Variants in DMXL1 observed in about 807,000 individuals in gnomAD.
DMXL1 encodes the protein Dmx like 1.
DMXL1 carries 99 observed loss-of-function variants against 319.2 expected under a neutral mutation model. That is an observed-to-expected ratio of 0.31 (90% confidence interval 0.26 to 0.37). The LOEUF (loss-of-function observed/expected upper bound fraction) is 0.37. DMXL1 is among the 10% of genes least tolerant of loss of function. DMXL1 has a pLI of 1.00. For missense variants in DMXL1, 3,745 were observed against 3,595.6 expected (o/e 1.04, Z -1.06); for synonymous variants, 1,385 against 1,235.2 (o/e 1.12, Z -2.54).
rs1774311001 is a variant in DMXL1, at chr5:119,170,394, C to T, written c.5603C>T (p.Ala1868Val). 6.2e-7 allele frequency: 1 copy of T among 1,613,938 alleles called. No individual in the cohort carries two copies. ...FFTTASAHLK[A>V]GCPMLALEVL... ...ACCACTGCCAGTGCTCATTTAAAAG[C>T]TGGCTGCCCAATGTTGGCTTTGGAA... The change falls in exon 24 of 44, where the codon GCT (alanine) becomes GTT (valine). Residue 1868 changes from alanine to valine, a missense_variant. Ala to Val is a moderately conservative substitution (Grantham distance 64, BLOSUM62 0). Coordinates refer to ENST00000539542, the MANE Select transcript of DMXL1 (RefSeq NM_001290321.3).
chr5:119,075,584 A>T (rs1002600665), intron 1 of DMXL1, among the ~76,000 whole-genome samples: 1 of 152,092 alleles, frequency 6.6e-6, no homozygotes, highest in Admixed American at 6.6e-5. Flanking sequence ...TTTATCATCA[A>T]CAAGTGAGCA....
Position 119,197,938 on chromosome 5 carries a change from C to T in DMXL1, c.7727C>T (p.Pro2576Leu), listed in dbSNP as rs1226041157. The T allele has an allele frequency of 6.2e-7, 1 of 1,614,154 alleles. No individual in the cohort carries two copies. The highest frequency in any genetic ancestry group is 1.7e-5 in the Admixed American group (1 of 60,006). Residue 2576 changes from proline to leucine, a missense_variant, in exon 32 of 44, where the codon CCT (proline) becomes CTT (leucine). By Grantham distance (98) the Pro-to-Leu change is moderately conservative. This residue lies in a region of DMXL1 where 1,382 missense variants were observed against 1,269.5 expected (regional missense o/e 1.09). Transcript: ENST00000539542. ...AILRHKALLE[P>L]TNTPFKSKHH... ...CTTCGCCACAAAGCTTTACTGGAAC[C>T]TACAAACACTCCTTTCAAGTAGGTT...
At chr5:119,147,507 C>A in intron 17 of DMXL1, 37 bp downstream of exon 17, 1 of 1,418,520 alleles carries the variant, frequency 7.0e-7, no homozygotes, top group Non-Finnish European at 1.0e-6. Context: ...AATTTTGTAA[C>A]ACATGAGTAT....
chr5:119,156,142 G>A (rs1330056995), intron 19 of DMXL1, among the ~76,000 whole-genome samples: 4 of 152,142 alleles, frequency 2.6e-5, no homozygotes, highest in Admixed American at 2.6e-4. Flanking sequence ...TTAAGAAATT[G>A]CTATAGCCAT....
intron 1 of DMXL1, 41 bp downstream of exon 1, chr5:119,071,697 T>C: frequency 6.5e-7 from 1 of 1,536,260 alleles, no homozygotes; most frequent in African/African-American, 1.4e-5. Context: ...GGCCCGGCCT[T>C]TGCCCGTCAT....
chr5:119,131,024 T>G (rs1764756214), intron 10 of DMXL1, among the ~76,000 whole-genome samples: 1 of 151,928 alleles, frequency 6.6e-6, no homozygotes, highest in African/African-American at 2.4e-5. Flanking sequence ...TTTTGCCAGT[T>G]GATAACGGGA....
At chr5:119,220,643 A>G (rs1344909513) in intron 36 of DMXL1, 50 bp downstream of exon 36, 5 of 1,588,082 alleles carry the variant, frequency 3.1e-6, no homozygotes, top group Non-Finnish European at 4.3e-6. Flanking sequence ...ATGAGTGACT[A>G]TATTTACTGA....
intron 13 of DMXL1, among the ~76,000 whole-genome samples, chr5:119,140,721 A>G (rs558571971): frequency 1.3e-5 from 2 of 152,256 alleles, no homozygotes; most frequent in South Asian, 2.1e-4. Context: ...ATTCCAAAAA[A>G]TTGAGGAGGA....
chr5:119,172,765 C>T (rs1774848530), intron 25 of DMXL1, among the ~76,000 whole-genome samples: 1 of 151,968 alleles, frequency 6.6e-6, no homozygotes, highest in South Asian at 2.1e-4. Context: ...TATCATGTAG[C>T]TCTCATCCAC....
intron 38 of DMXL1, among the ~76,000 whole-genome samples, chr5:119,228,554 G>A (rs1483348673): frequency 3.9e-5 from 6 of 152,100 alleles, no homozygotes; most frequent in African/African-American, 1.4e-4. Flanking sequence ...TATAATATAA[G>A]AAGGTATCAC....
At chr5:119,196,569 G>A in intron 31 of DMXL1, 113 bp downstream of exon 31, 2 of 673,902 alleles carry the variant, frequency 3.0e-6, no homozygotes, top group East Asian at 5.4e-5. Context: ...GTGATTTCCT[G>A]TTACAGAAGT....
intron 25 of DMXL1, among the ~76,000 whole-genome samples, chr5:119,174,210 T>G (rs1775327695): frequency 6.6e-6 from 1 of 152,214 alleles, no homozygotes; most frequent in South Asian, 2.1e-4. Flanking sequence ...GTCAAATGTC[T>G]GTGCACCCCA....
intron 10 of DMXL1, among the ~76,000 whole-genome samples, chr5:119,132,366 T>C (rs979629757): frequency 1.3e-5 from 2 of 152,168 alleles, no homozygotes; most frequent in African/African-American, 4.8e-5. Flanking sequence ...AAGGTGCATA[T>C]ACCACTGTCA....
Position 119,173,776 on chromosome 5 carries a change from G to GTATATATATATATA in DMXL1, c.6682-1476_6682-1463dup, listed in dbSNP as rs758312462. On this transcript the variant is annotated intron_variant, in intron 25 of 43. Coordinates refer to ENST00000539542, the MANE Select transcript of DMXL1 (RefSeq NM_001290321.3). ...TGTGTATATATATATATGTGTGTGT[G>GTATATATATATATA]TATATATATATATATATATATAATG... Among the ~76,000 whole-genome samples the GTATATATATATATA allele has an allele frequency of 1.0e-2, 670 of 67,132 alleles. 60 individuals carry two copies. The highest frequency in any genetic ancestry group is 0.024 in the African/African-American group (435 of 17,996). The allele number at this position is 67,132 out of a possible 152,430, so 44.0% of individuals were successfully genotyped here. A position where few individuals can be genotyped will look rare whatever the true frequency, so the allele number is the denominator to read the frequency against.
chr5:119,106,127 A>G (rs1580729420), intron 4 of DMXL1, among the ~76,000 whole-genome samples: 1 of 152,236 alleles, frequency 6.6e-6, no homozygotes, highest in South Asian at 2.1e-4. Flanking sequence ...CTTTGTTCAC[A>G]TATCTGGGCC....
chr5:119,122,375 C>T (rs1421235659), intron 9 of DMXL1, among the ~76,000 whole-genome samples: 1 of 150,038 alleles, frequency 6.7e-6, no homozygotes, highest in Non-Finnish European at 1.5e-5. Flanking sequence ...CCTCACTTCC[C>T]AGTAGGGGCG....
In DMXL1 at chr5:119,121,044, A is replaced by G; in HGVS notation, c.1007A>G (p.His336Arg). The G allele has an allele frequency of 1.2e-6, 2 of 1,613,924 alleles. No individual in the cohort carries two copies. The highest frequency in any genetic ancestry group is 1.7e-6 in the Non-Finnish European group (2 of 1,180,000). ...GTAGCACATACGGGATATCTACCACATCAGCAGGATCCTCATCATGTTCAC... is the reference window on the plus strand; with the variant it reads ...GTAGCACATACGGGATATCTACCACGTCAGCAGGATCCTCATCATGTTCAC... Reference protein sequence around the residue: ...ALVAHTGYLPHQQDPHHVHRN... With the variant: ...ALVAHTGYLPRQQDPHHVHRN... Residue 336 changes from histidine (H) to arginine (R), a missense_variant, in exon 9 of 44, where the codon CAT (histidine) becomes CGT (arginine). This residue lies in a region of DMXL1 where 2,096 missense variants were observed against 1,985.4 expected (regional missense o/e 1.06). Coordinates refer to ENST00000539542, the MANE Select transcript of DMXL1 (RefSeq NM_001290321.3).
chr5:119,215,334 GTCTTGC>G (rs200356642), intron 34 of DMXL1, among the ~76,000 whole-genome samples: 2,577 of 151,956 alleles, frequency 0.017, 86 homozygotes, highest in African/African-American at 0.059. Flanking sequence ...TTGAGACAGG[GTCTTGC>G]TCTGTTGCCT....
chr5:119,085,983 C>T (rs568963255), intron 1 of DMXL1, among the ~76,000 whole-genome samples: 27 of 152,128 alleles, frequency 1.8e-4, no homozygotes, highest in African/African-American at 6.0e-4. Context: ...TGATATATCA[C>T]GTTTATTGAT....
Sources: allele counts gnomAD v4.1 joint callset (sites outside exome capture counted in the v4.1 genomes callset), GRCh38; gene constraint gnomAD v4.1.1; regional missense constraint gnomAD v4.1.1; transcripts MANE v1.5; gene names NCBI Gene and HGNC (gene_info 2026-07-23, HGNC 2026-07-21).